Variants in ZNF462 observed in about 807,000 individuals in gnomAD.
ZNF462 encodes the protein zinc finger protein 462, also known as zinc finger PBX1-interacting protein.
A neutral mutation model predicts 201.9 loss-of-function variants in ZNF462; 10 were observed. The observed-to-expected ratio is 0.05, with a 90% confidence interval of 0.03 to 0.08. ZNF462 has a LOEUF of 0.08. ZNF462 is among the 10% of genes least tolerant of loss of function. ZNF462 has a pLI of 1.00. For missense variants in ZNF462, 2,523 were observed against 3,168.3 expected, an observed-to-expected ratio of 0.80 and a Z score of 4.89; for synonymous variants, 1,227 against 1,193.3, an observed-to-expected ratio of 1.03 and a Z score of -0.58.
At position 106,926,762 on chromosome 9, in the gene ZNF462, G is replaced by A. The variant is rs750918623; in HGVS notation, c.2850G>A (p.Thr950=). The A allele has an allele frequency of 1.5e-5, 25 of 1,613,956 alleles. No individual in the cohort carries two copies. The Middle Eastern group carries it at 4.9e-4, about 32-fold the overall frequency. ...LMPHYQRMHP[T]VKINNAMIFS... is the part of the protein sequence containing the mutation. ...CACATTACCAAAGAATGCATCCCACGGTGAAGATCAACAACGCGATGATAT... is the reference window on the plus strand; with the variant it reads ...CACATTACCAAAGAATGCATCCCACAGTGAAGATCAACAACGCGATGATAT... Residue 950 remains threonine, a synonymous_variant, in exon 3 of 13, where the codon ACG becomes ACA. Coordinates refer to ENST00000277225, the MANE Select transcript of ZNF462 (RefSeq NM_021224.6). This position sits in a 1 kb window ranked among gnomAD's most constrained non-coding sequence, Gnocchi z 7.9.
At chr9:106,982,099 C>T (rs995510923) in intron 9 of ZNF462, among the ~76,000 whole-genome samples, 1 of 150,474 alleles carries the variant, frequency 6.6e-6, no homozygotes, top group Non-Finnish European at 1.5e-5. Flanking sequence ...CCCCGTGGTT[C>T]AGCCTGCATG....
At position 106,880,577 on chromosome 9, in the gene ZNF462, A is replaced by G. The variant is rs766013671; in HGVS notation, c.-31+17222A>G. ...TGTTAAGTAGCTCTAAATTTCAGTG[A>G]TCCTGCCTTTCTGGTGTCAGTTTTG... On this transcript the variant is annotated intron_variant, in intron 1 of 12. Coordinates refer to ENST00000277225, the MANE Select transcript of ZNF462 (RefSeq NM_021224.6). The surrounding 1 kb of genome is among the most constrained non-coding windows in gnomAD (Gnocchi z 4.1). Among the ~76,000 whole-genome samples, 4 of 152,340 alleles carry G rather than the reference A, an allele frequency of 2.6e-5. No individual in the cohort carries two copies. The highest frequency in any genetic ancestry group is 6.5e-5 in the Admixed American group (1 of 15,300).
intron 7 of ZNF462, among the ~76,000 whole-genome samples, chr9:106,940,598 T>C (rs1030287128): frequency 6.6e-6 from 1 of 152,220 alleles, no homozygotes; most frequent in Non-Finnish European, 1.5e-5. Flanking sequence ...ATTTATAGTG[T>C]TCAACACTAT....
chr9:106,954,101 G>C lies in ZNF462; in HGVS notation c.6427+14994G>C, dbSNP rs58431218. 0.035 allele frequency among the ~76,000 whole-genome samples: 5,250 copies of C among 152,134 alleles called. 198 individuals carry two copies. Among genetic ancestry groups the C allele is most frequent in the East Asian group, 0.16 (845 of 5,176 alleles). On this transcript the variant is annotated intron_variant, in intron 7 of 12. Coordinates refer to ENST00000277225, the MANE Select transcript of ZNF462 (RefSeq NM_021224.6). This position sits in a 1 kb window ranked among gnomAD's most constrained non-coding sequence, Gnocchi z 4.0. ...AGAGTTCAAATCATCCTCCTATTCAGAAGTCTTTAACAGCTCTGCATGGCC... is the reference window on the plus strand; with the variant it reads ...AGAGTTCAAATCATCCTCCTATTCACAAGTCTTTAACAGCTCTGCATGGCC...
At chr9:106,990,134 G>C (rs1828154385) in intron 10 of ZNF462, among the ~76,000 whole-genome samples, 1 of 151,836 alleles carries the variant, frequency 6.6e-6, no homozygotes, top group African/African-American at 2.4e-5. Flanking sequence ...TTGTCGTTTG[G>C]TTCAAAGAAT....
rs1308225381 is a variant in ZNF462 at position 106,966,499 on chromosome 9, C to A, written c.6428-5506C>A. Among the ~76,000 whole-genome samples the A allele has an allele frequency of 6.6e-6, 1 of 152,052 alleles. No individual in the cohort carries two copies. The highest frequency in any genetic ancestry group is 1.9e-4 in the East Asian group (1 of 5,174). On this transcript the variant is annotated intron_variant, in intron 7 of 12. Coordinates refer to ENST00000277225, the MANE Select transcript of ZNF462 (RefSeq NM_021224.6). The surrounding 1 kb of genome is among the most constrained non-coding windows in gnomAD (Gnocchi z 4.4). ...CATAGTTCTCTTGACATCCCCTCTC[C>A]ATCTCTCTCACTCCCACATTCTGTG...
At chr9:106,988,705 C>G (rs978724556) in intron 10 of ZNF462, among the ~76,000 whole-genome samples, 1 of 152,012 alleles carries the variant, frequency 6.6e-6, no homozygotes, top group Non-Finnish European at 1.5e-5. Flanking sequence ...GTGTCGTCTA[C>G]GATTTCTTTC....
intron 1 of ZNF462, among the ~76,000 whole-genome samples, chr9:106,888,296 C>T (rs1828419946): frequency 6.6e-6 from 1 of 152,202 alleles, no homozygotes; most frequent in African/African-American, 2.4e-5. Context: ...CCACCTCGGC[C>T]TCCCAAAGTG....
chr9:106,941,575 G>C (rs1296754606), intron 7 of ZNF462, among the ~76,000 whole-genome samples: 2 of 152,200 alleles, frequency 1.3e-5, no homozygotes, highest in Non-Finnish European at 1.5e-5. Context: ...TAACTATTTA[G>C]TGATCCGTAC....
intron 7 of ZNF462, among the ~76,000 whole-genome samples, chr9:106,955,754 G>A (rs1044767043): frequency 6.6e-6 from 1 of 152,164 alleles, no homozygotes; most frequent in Non-Finnish European, 1.5e-5. Flanking sequence ...CATTTCAACA[G>A]TGTTCGCAAC....
At chr9:106,862,582 CCCTCCTCCACCACCA>C (rs922226856), upstream of ZNF462, among the ~76,000 whole-genome samples, 4 of 151,936 alleles carry the variant, frequency 2.6e-5, no homozygotes, top group African/African-American at 4.8e-5. The surrounding 1 kb of genome is among the most constrained non-coding windows in gnomAD (Gnocchi z 4.2). Context: ...CTCTTCCTCC[CCCTCCTCCACCACCA>C]CCTCCTCCTC....
chr9:106,891,035 A>T lies in ZNF462; in HGVS notation c.-31+27680A>T, dbSNP rs1828554174. On this transcript the variant is annotated intron_variant, in intron 1 of 12. Transcript: ENST00000277225. ...CAAGGAGATTTTTAGCTAATTTAGT[A>T]AAAAAGTCAGAGGTGGAACAGAAAA... 2.0e-5 allele frequency among the ~76,000 whole-genome samples: 3 copies of T among 152,330 alleles called. No individual in the cohort carries two copies. In the South Asian group the frequency reaches 6.2e-4, roughly 32 times the overall value.
chr9:106,998,992 T>G (rs927204105), intron 10 of ZNF462, among the ~76,000 whole-genome samples: 1 of 152,124 alleles, frequency 6.6e-6, no homozygotes, highest in Non-Finnish European at 1.5e-5. Flanking sequence ...TGAATGGGCA[T>G]TCACAGATAG....
At chr9:107,000,750 T>G (rs1003782902) in intron 10 of ZNF462, among the ~76,000 whole-genome samples, 1 of 152,054 alleles carries the variant, frequency 6.6e-6, no homozygotes, top group African/African-American at 2.4e-5. Context: ...ATGTTAACAG[T>G]TTTCCAGTGA....
rs1033657222 is a variant in ZNF462 at position 106,910,342 on chromosome 9, G to A, written c.-30-13012G>A. ...CGTTTCCATGCTACATTTTTCTGTC[G>A]TCCTCCACCCCTTGTTTTAGTTTTT... On this transcript the variant is annotated intron_variant, in intron 1 of 12. Transcript: ENST00000277225. Among the ~76,000 whole-genome samples the A allele has an allele frequency of 1.0e-4, 12 of 116,916 alleles. 1 individual carries two copies. Among genetic ancestry groups the A allele is most frequent in the African/African-American group, 1.9e-4 (6 of 30,846 alleles). The allele number at this position is 116,916 out of a possible 152,430, so 76.7% of individuals were successfully genotyped here. A position where few individuals can be genotyped will look rare whatever the true frequency, so the allele number is the denominator to read the frequency against.
intron 1 of ZNF462, among the ~76,000 whole-genome samples, chr9:106,892,721 C>T (rs1828641241): frequency 6.6e-6 from 1 of 151,360 alleles, no homozygotes. Context: ...CACACACACA[C>T]ACACATGTTA....
rs1249827531 is a variant in ZNF462 at position 106,873,308 on chromosome 9, G to T, written c.-31+9953G>T. 2.6e-5 allele frequency among the ~76,000 whole-genome samples: 4 copies of T among 152,072 alleles called. No homozygotes were observed. In the South Asian group the frequency reaches 6.2e-4, roughly 24 times the overall value. On this transcript the variant is annotated intron_variant, in intron 1 of 12. Coordinates refer to ENST00000277225, the MANE Select transcript of ZNF462 (RefSeq NM_021224.6). ...GTAGAGGAGATGATAGGGAAAAAAA[G>T]CAAGACACCATGTAGGGGACACTTT...
At chr9:106,914,489 G>A (rs891256207) in intron 1 of ZNF462, among the ~76,000 whole-genome samples, 1 of 152,176 alleles carries the variant, frequency 6.6e-6, no homozygotes, top group African/African-American at 2.4e-5. Flanking sequence ...TGGGACTACT[G>A]CTTTATGACA....
rs1357171179 is a variant in ZNF462, at chr9:106,886,428, G to A, written c.-31+23073G>A. 6.6e-6 allele frequency among the ~76,000 whole-genome samples: 1 copy of A among 152,194 alleles called. No individual in the cohort carries two copies. The highest frequency in any genetic ancestry group is 6.5e-5 in the Admixed American group (1 of 15,282). ...CAAGCCACTGCATGTTGGCAATGTA[G>A]TAGATCCTGGTTTTAAAAATAAAAT... On this transcript the variant is annotated intron_variant, in intron 1 of 12. Coordinates refer to ENST00000277225, the MANE Select transcript of ZNF462 (RefSeq NM_021224.6). This position sits in a 1 kb window ranked among gnomAD's most constrained non-coding sequence, Gnocchi z 4.6.
Sources: allele counts gnomAD v4.1 joint callset (sites outside exome capture counted in the v4.1 genomes callset), GRCh38; gene constraint gnomAD v4.1.1; non-coding constraint Gnocchi (gnomAD v3.1); transcripts MANE v1.5; gene names NCBI Gene and HGNC (gene_info 2026-07-23, HGNC 2026-07-21).